STK3: variants seen among roughly 807,000 people sequenced by gnomAD.
STK3 encodes serine/threonine kinase 3.
STK3 carries 41 observed loss-of-function variants against 58.0 expected under a neutral mutation model. That is an observed-to-expected ratio of 0.71 (90% CI 0.55 to 0.92). The LOEUF is 0.92. Among genes scored for constraint, STK3 ranks in the 40% least tolerant of loss-of-function variants. The pLI is 0.00. For missense variants in STK3, 479 were observed against 602.7 expected, an observed-to-expected ratio of 0.79 and a Z score of 2.15; for synonymous variants, 170 against 191.0, an observed-to-expected ratio of 0.89 and a Z score of 0.91.
intron 10 of STK3, among the ~76,000 whole-genome samples, chr8:98,500,258 G>A (rs1366930413): frequency 6.6e-6 from 1 of 152,160 alleles, no homozygotes; most frequent in African/African-American, 2.4e-5. Flanking sequence ...GAAGGCTGGT[G>A]TGGTGGCTTT....
intron 6 of STK3, among the ~76,000 whole-genome samples, chr8:98,671,574 T>G (rs1320111730): frequency 1.4e-5 from 2 of 147,524 alleles, no homozygotes; most frequent in African/African-American, 2.6e-5. Flanking sequence ...TAGTTTGGGG[T>G]TTTTTTTTGT....
chr8:98,793,626 G>T (rs1378810100), intron 1 of STK3, among the ~76,000 whole-genome samples: 1 of 152,056 alleles, frequency 6.6e-6, no homozygotes, highest in Non-Finnish European at 1.5e-5. Context: ...TAATGCATTA[G>T]CCTGACCACT....
chr8:98,681,263 C>T (rs1823622962), intron 6 of STK3, among the ~76,000 whole-genome samples: 1 of 152,026 alleles, frequency 6.6e-6, no homozygotes, highest in Non-Finnish European at 1.5e-5. Context: ...TCCCAAAGTG[C>T]TGGGATTACA....
chr8:98,875,613 G>A (rs1837537810), intron 3 of STK3: 1 of 152,146 alleles, frequency 6.6e-6, no homozygotes, highest in Non-Finnish European at 1.5e-5. Context: ...AGAAATCCAG[G>A]TTTCAGAACA....
At chr8:98,635,057 T>C (rs1311219146) in intron 6 of STK3, among the ~76,000 whole-genome samples, 1 of 151,170 alleles carries the variant, frequency 6.6e-6, no homozygotes, top group Non-Finnish European at 1.5e-5. Context: ...AAGTGATGGG[T>C]AGGAGAAAAA....
intron 1 of STK3, 76 bp downstream of exon 1, chr8:98,825,439 G>A: frequency 7.4e-7 from 1 of 1,344,954 alleles, no homozygotes; most frequent in Non-Finnish European, 9.7e-7. Context: ...GCTCGCAGCA[G>A]GGCCTGGCCT....
chr8:98,866,757 G>C (rs776552063), intron 3 of STK3, among the ~76,000 whole-genome samples: 4 of 152,192 alleles, frequency 2.6e-5, no homozygotes, highest in Non-Finnish European at 5.9e-5. Flanking sequence ...AAAAGTGGAA[G>C]AATAGCACAG....
intron 6 of STK3, among the ~76,000 whole-genome samples, chr8:98,650,479 A>G (rs1410119951): frequency 6.6e-6 from 1 of 152,238 alleles, no homozygotes. Flanking sequence ...GGAGTGCCAG[A>G]CAGTGGGCGC....
At chr8:98,585,746 T>C (rs960723032) in intron 7 of STK3, among the ~76,000 whole-genome samples, 3 of 152,186 alleles carry the variant, frequency 2.0e-5, no homozygotes, top group African/African-American at 7.2e-5. Flanking sequence ...TGTTCTTCCA[T>C]TTGTTTGTAT....
chr8:98,518,492 T>C (rs1437596358), intron 10 of STK3, among the ~76,000 whole-genome samples: 1 of 152,170 alleles, frequency 6.6e-6, no homozygotes, highest in East Asian at 1.9e-4. Context: ...CTAAAATCTT[T>C]GTTGCTTTTA....
chr8:98,562,737 GAAAAAA>G (rs778049177), intron 8 of STK3, among the ~76,000 whole-genome samples: 4 of 17,406 alleles, frequency 2.3e-4, no homozygotes, highest in African/African-American at 2.9e-4. Context: ...CACAAAAAAT[GAAAAAA>G]AAAAAAAAAA....
chr8:98,362,240 G>A, the STK3 span, among the ~76,000 whole-genome samples: 2 of 152,292 alleles, frequency 1.3e-5, no homozygotes, highest in African/African-American at 4.8e-5. Context: ...TTGCTCAGTG[G>A]GGAGAAGGGA....
intron 8 of STK3, among the ~76,000 whole-genome samples, chr8:98,559,295 G>C (rs1017560007): frequency 1.2e-4 from 18 of 152,128 alleles, no homozygotes; most frequent in African/African-American, 4.1e-4. Context: ...TGCCAGGCAA[G>C]TGTGTTAAGG....
At chr8:98,829,311 CT>C (rs1835440977), upstream of STK3, among the ~76,000 whole-genome samples, 1 of 152,182 alleles carries the variant, frequency 6.6e-6, no homozygotes, top group Non-Finnish European at 1.5e-5. Context: ...CTATGTTCCC[CT>C]AACCTCAATC....
intron 1 of STK3, among the ~76,000 whole-genome samples, chr8:98,812,903 G>A (rs1834314420): frequency 1.3e-5 from 2 of 152,164 alleles, no homozygotes; most frequent in African/African-American, 4.8e-5. Flanking sequence ...GGGGGAGTGA[G>A]GAGGGATAGC....
intron 3 of STK3, among the ~76,000 whole-genome samples, chr8:98,871,908 C>T (rs1837394015): frequency 6.6e-6 from 1 of 152,140 alleles, no homozygotes. Flanking sequence ...AGAGGGCATC[C>T]CTGTCTTGTG....
intron 6 of STK3, among the ~76,000 whole-genome samples, chr8:98,626,032 C>T (rs1818687775): frequency 6.6e-6 from 1 of 152,108 alleles, no homozygotes; most frequent in African/African-American, 2.4e-5. Context: ...AGAGGCTGCC[C>T]CTCACCCTGC....
At chr8:98,484,508 G>A (rs1822092564) in intron 10 of STK3, among the ~76,000 whole-genome samples, 1 of 152,140 alleles carries the variant, frequency 6.6e-6, no homozygotes, top group Admixed American at 6.5e-5. Context: ...GGAGCGAAGA[G>A]TCCACATTAA....
At chr8:98,607,861 T>C (rs1816895248) in intron 6 of STK3, among the ~76,000 whole-genome samples, 1 of 152,200 alleles carries the variant, frequency 6.6e-6, no homozygotes, top group African/African-American at 2.4e-5. Context: ...AGTCAAATTT[T>C]CAAAAGCTTC....
Sources: allele counts gnomAD v4.1 joint callset (sites outside exome capture counted in the v4.1 genomes callset), GRCh38; gene constraint gnomAD v4.1.1; transcripts MANE v1.5; gene names NCBI Gene and HGNC (gene_info 2026-07-23, HGNC 2026-07-21).